DLGAP2: variants seen among roughly 807,000 people sequenced by gnomAD.
DLGAP2 encodes DLG associated protein 2, also known as disks large-associated protein 2.
DLGAP2 carries 26 observed loss-of-function variants against 100.3 expected under a neutral mutation model. The observed-to-expected ratio is 0.26, with a 90% CI of 0.19 to 0.36. The LOEUF (loss-of-function observed/expected upper bound fraction) is 0.36. DLGAP2 is among the 10% of genes least tolerant of loss of function. DLGAP2 has a pLI of 1.00. For missense variants in DLGAP2, 1,858 were observed against 1,453.2 expected (o/e 1.28, Z -4.53); for synonymous variants, 886 against 630.1 (o/e 1.41, Z -6.08).
intron 2 of DLGAP2, among the ~76,000 whole-genome samples, chr8:998,989 C>T (rs968550180): frequency 2.6e-5 from 4 of 152,112 alleles, no homozygotes; most frequent in African/African-American, 9.7e-5. Context: ...GGTCATGTTA[C>T]CTGTAGAATC....
intron 2 of DLGAP2, among the ~76,000 whole-genome samples, chr8:1,238,517 C>A (rs1381194499): frequency 7.7e-6 from 1 of 130,106 alleles, no homozygotes; most frequent in Non-Finnish European, 1.7e-5. Context: ...CTAGTTCTCT[C>A]ACATGGCGCC....
intron 1 of DLGAP2, among the ~76,000 whole-genome samples, chr8:865,926 T>A (rs1217704094): frequency 6.6e-6 from 1 of 152,228 alleles, no homozygotes. Context: ...AACATCTTTT[T>A]CTGGCCCTCC....
At chr8:1,425,246 A>T (rs1797206073) in intron 3 of DLGAP2, among the ~76,000 whole-genome samples, 1 of 152,220 alleles carries the variant, frequency 6.6e-6, no homozygotes, top group Admixed American at 6.5e-5. Flanking sequence ...TAGTGAAAAT[A>T]TCTGTCTGTA....
At chr8:1,007,641 G>GA (rs922055763) in intron 2 of DLGAP2, among the ~76,000 whole-genome samples, 1 of 148,292 alleles carries the variant, frequency 6.7e-6, no homozygotes, top group African/African-American at 2.5e-5. Flanking sequence ...TTTTTGGGGG[G>GA]GGGATCTTCT....
chr8:1,536,390 A>G (rs1563206844), intron 4 of DLGAP2, among the ~76,000 whole-genome samples: 1 of 152,186 alleles, frequency 6.6e-6, no homozygotes, highest in African/African-American at 2.4e-5. Flanking sequence ...CCAATATCTT[A>G]TTCATTCCTA....
At chr8:883,090 G>C (rs1584859220) in intron 1 of DLGAP2, 1 of 152,426 alleles carries the variant, frequency 6.6e-6, no homozygotes, top group Admixed American at 6.5e-5. Context: ...TGAGCAGTGC[G>C]TATGTCCTGT....
intron 1 of DLGAP2, among the ~76,000 whole-genome samples, chr8:878,686 C>G (rs567625562): frequency 6.6e-6 from 1 of 152,102 alleles, no homozygotes; most frequent in South Asian, 2.1e-4. Context: ...TAAATGCCAT[C>G]TCTCAGGAGT....
chr8:814,527 C>G (rs557688906), intron 1 of DLGAP2, among the ~76,000 whole-genome samples: 3 of 152,024 alleles, frequency 2.0e-5, no homozygotes, highest in African/African-American at 7.2e-5. Context: ...ATCCCATAAA[C>G]CAATATGCTA....
At chr8:1,111,388 C>CT (rs961679663) in intron 2 of DLGAP2, among the ~76,000 whole-genome samples, 50 of 148,944 alleles carry the variant, frequency 3.4e-4, no homozygotes, top group African/African-American at 6.7e-4. Context: ...GGGCGTGTTT[C>CT]TTTTTTTTTT....
At chr8:1,053,644 G>A (rs1802788443) in intron 2 of DLGAP2, among the ~76,000 whole-genome samples, 1 of 152,166 alleles carries the variant, frequency 6.6e-6, no homozygotes, top group Non-Finnish European at 1.5e-5. Context: ...CGTGTTTGGA[G>A]ACGGGATAAT....
At chr8:829,338 A>G (rs921820900) in intron 1 of DLGAP2, among the ~76,000 whole-genome samples, 6 of 152,230 alleles carry the variant, frequency 3.9e-5, no homozygotes, top group African/African-American at 1.4e-4. Context: ...CACCTGTCCC[A>G]TTTCATCACC....
intron 2 of DLGAP2, among the ~76,000 whole-genome samples, chr8:919,009 G>A (rs920233254): frequency 1.4e-4 from 21 of 152,126 alleles, no homozygotes; most frequent in Admixed American, 4.6e-4. Flanking sequence ...GGTGCGATCA[G>A]AACTCACTGC....
At chr8:1,413,135 C>G (rs192447366) in intron 3 of DLGAP2, among the ~76,000 whole-genome samples, 1 of 152,182 alleles carries the variant, frequency 6.6e-6, no homozygotes, top group Admixed American at 6.5e-5. Context: ...CTATTTGCCC[C>G]TCTGTGTTTT....
At chr8:802,845 C>G (rs891242573) in intron 1 of DLGAP2, among the ~76,000 whole-genome samples, 1 of 152,118 alleles carries the variant, frequency 6.6e-6, no homozygotes, top group African/African-American at 2.4e-5. Flanking sequence ...TGAATGGGAG[C>G]GAACTCGTTT....
chr8:861,374 C>T (rs1489660663), intron 1 of DLGAP2, among the ~76,000 whole-genome samples: 1 of 152,154 alleles, frequency 6.6e-6, no homozygotes, highest in Non-Finnish European at 1.5e-5. Context: ...CCCCTCCTCA[C>T]ACATACCGGG....
chr8:1,583,203 C>G (rs942990319), intron 6 of DLGAP2, among the ~76,000 whole-genome samples: 1 of 152,184 alleles, frequency 6.6e-6, no homozygotes, highest in Non-Finnish European at 1.5e-5. Context: ...TGTGAGTAGG[C>G]TATTTAAGTC....
chr8:1,447,671 C>T (rs1451386069), intron 3 of DLGAP2, among the ~76,000 whole-genome samples: 1 of 152,332 alleles, frequency 6.6e-6, no homozygotes, highest in African/African-American at 2.4e-5. Context: ...TTACCAGCTT[C>T]TCCTTGTGCC....
At chr8:1,488,690 G>A (rs1204974386) in intron 3 of DLGAP2, among the ~76,000 whole-genome samples, 2 of 152,130 alleles carry the variant, frequency 1.3e-5, no homozygotes, top group Non-Finnish European at 2.9e-5. Context: ...AGTAGTTGTG[G>A]GATTTTAATT....
At chr8:1,678,981 G>C (rs1798878509) in intron 12 of DLGAP2, 1 of 220,136 alleles carries the variant, frequency 4.5e-6, no homozygotes, top group Non-Finnish European at 8.8e-6. Flanking sequence ...TTATTTTCTA[G>C]AATTGTTACC....
Sources: allele counts gnomAD v4.1 joint callset (sites outside exome capture counted in the v4.1 genomes callset), GRCh38; gene constraint gnomAD v4.1.1; transcripts MANE v1.5; gene names NCBI Gene and HGNC (gene_info 2026-07-23, HGNC 2026-07-21).